Variants in KLHDC7B observed in about 807,000 individuals in gnomAD.
KLHDC7B encodes the protein kelch domain-containing protein 7B.
Under a neutral mutation model 0.6 loss-of-function variants are expected in KLHDC7B, and 1 was observed. The ratio of observed to expected loss-of-function variants is 1.71; its 90% CI spans 0.61 to 8.11. The LOEUF (loss-of-function observed/expected upper bound fraction) is 8.11. Ranked by LOEUF, KLHDC7B falls within the 30% of genes most tolerant of loss-of-function variation. KLHDC7B has a pLI of 0.13. For synonymous variants in KLHDC7B, 462 were observed against 405.2 expected (o/e 1.14, Z -1.68); for missense variants, 993 against 894.9 (o/e 1.11, Z -1.40).
At position 50,548,950 on chromosome 22, in the gene KLHDC7B, C is replaced by T. The variant is rs546175063; in HGVS notation, c.2707C>T (p.Arg903Trp). The T allele has an allele frequency of 3.3e-5, 52 of 1,596,830 alleles. No individual in the cohort carries two copies. Among genetic ancestry groups the T allele is most frequent in the South Asian group, 1.3e-4 (12 of 89,736 alleles). The stretch of plus-strand genomic sequence containing the variant: ...GCTGGGAGACCCGTGCCTCTACCGC[C>T]GGCTGAGCGCGGCCGACCGCGAGCG... ...RVLGDPCLYR[R>W]LSAADRERIL... Residue 903 changes from arginine (R) to tryptophan (W), a missense_variant, in exon 1 of 1, where the codon CGG (arginine) becomes TGG (tryptophan). Coordinates refer to ENST00000648057, the MANE Select transcript of KLHDC7B (RefSeq NM_138433.5). This position sits in a 1 kb window ranked among gnomAD's most constrained non-coding sequence, Gnocchi z 5.3.
rs1043853356 is a variant in KLHDC7B at position 50,546,463 on chromosome 22, C to T, written c.220C>T (p.Leu74=). The T allele has an allele frequency of 1.3e-5, 5 of 399,272 alleles. No homozygotes were observed. Among genetic ancestry groups the T allele is most frequent in the African/African-American group, 8.2e-5 (4 of 48,640 alleles). 24.7% of individuals were successfully genotyped at this position (399,272 alleles called of 1,614,324 possible). Residue 74 remains leucine (L), a synonymous_variant, in exon 1 of 1, where the codon CTG becomes TTG. Coordinates refer to ENST00000648057, the MANE Select transcript of KLHDC7B (RefSeq NM_138433.5). ...ACCTCATCAGGCAGGAGGAGCTGAG[C>T]TGGCCCTGCAACCGAAGTCTAAGGT... ...AQPHQAGGAE[L]ALQPKSKVSD...
At position 50,549,520 on chromosome 22, in the gene KLHDC7B, A is replaced by G; in HGVS notation, c.3277A>G (p.Ile1093Val). 1 of 1,609,406 alleles carries G rather than the reference A, an allele frequency of 6.2e-7. No individual in the cohort carries two copies. Among genetic ancestry groups the G allele is most frequent in the Non-Finnish European group, 8.5e-7 (1 of 1,177,624 alleles). The stretch of plus-strand genomic sequence containing the variant: ...CGAGGCTGTGGCCTGCCGTGGGGAC[A>G]TCTACGTCACCGGGGGTCACCTCTT... ...AHEAVACRGDIYVTGGHLFYR... is the reference protein window; with the variant it reads ...AHEAVACRGDVYVTGGHLFYR... Residue 1093 changes from isoleucine to valine, a missense_variant, in exon 1 of 1, where the codon ATC (isoleucine) becomes GTC (valine). Physicochemically the swap from Ile to Val is conservative, Grantham distance 29. Transcript: ENST00000648057.
At position 50,546,836 on chromosome 22, in the gene KLHDC7B, C is replaced by T. The variant is rs1172338216; in HGVS notation, c.593C>T (p.Ser198Phe). Among the ~76,000 whole-genome samples the T allele has an allele frequency of 6.6e-6, 1 of 152,084 alleles. No individual in the cohort carries two copies. The highest frequency in any genetic ancestry group is 1.5e-5 in the Non-Finnish European group (1 of 67,958). ...AEAETGGVRA[S>F]SRQAAGPAGQ... ...GCGGAGACAGGTGGTGTCAGGGCGT[C>T]CTCTCGCCAGGCCGCAGGCCCCGCG... Residue 198 changes from serine to phenylalanine, a missense_variant, in exon 1 of 1, where the codon TCC becomes TTC. Physicochemically the swap from Ser to Phe is radical, Grantham distance 155 (BLOSUM62 -2). Coordinates refer to ENST00000648057, the MANE Select transcript of KLHDC7B (RefSeq NM_138433.5).
In KLHDC7B at chr22:50,548,700, G is replaced by A. The variant is rs2069763825; in HGVS notation, c.2457G>A (p.Glu819=). 2.0e-6 allele frequency: 3 copies of A among 1,517,536 alleles called. No homozygotes were observed. The South Asian group carries it at 3.8e-5, about 19-fold the overall frequency. The allele number at this position is 1,517,536 out of a possible 1,614,324, so 94.0% of individuals were successfully genotyped here. A position where few individuals can be genotyped will look rare whatever the true frequency, so the allele number is the denominator to read the frequency against. ...GGGCGCTCACGGAAAAGCAGGAGGA[G>A]GCCCGGAAGCTCATGGTGTTTCTGC... ...RSGALTEKQE[E]ARKLMVFLQR... The change falls in exon 1 of 1, where the codon GAG becomes GAA. Residue 819 remains glutamate (E), a synonymous_variant. Transcript: ENST00000648057. This position sits in a 1 kb window ranked among gnomAD's most constrained non-coding sequence, Gnocchi z 5.3.
rs2148694824 is a variant in KLHDC7B at position 50,547,100 on chromosome 22, C to T, written c.857C>T (p.Pro286Leu). The change falls in exon 1 of 1, where the codon CCC becomes CTC. Residue 286 changes from proline (P) to leucine (L), a missense_variant. Coordinates refer to ENST00000648057, the MANE Select transcript of KLHDC7B (RefSeq NM_138433.5). ...ACAGGACCCCCACTCGCCCAGGAGC[C>T]CGCACTCCCGGCGCTGCCCGCTCCC... ...LPTGPPLAQE[P>L]ALPALPAPRA... Among the ~76,000 whole-genome samples, 1 of 151,868 alleles carries T rather than the reference C, an allele frequency of 6.6e-6. No homozygotes were observed. Among genetic ancestry groups the T allele is most frequent in the Non-Finnish European group, 1.5e-5 (1 of 67,860 alleles).
At position 50,547,501 on chromosome 22, in the gene KLHDC7B, G is replaced by A. The variant is rs2069744860; in HGVS notation, c.1258G>A (p.Ala420Thr). ...GAGCCGTGAGCCTCGCCCGCGCTCC[G>A]CCTCCCCGCCCGCAGCTCCCGGCCC... ...SRSREPRPRS[A>T]SPPAAPGPGF... The change falls in exon 1 of 1, where the codon GCC (alanine) becomes ACC (threonine). Residue 420 changes from alanine to threonine, a missense_variant. Coordinates refer to ENST00000648057, the MANE Select transcript of KLHDC7B (RefSeq NM_138433.5). The A allele has an allele frequency of 2.5e-6, 1 of 395,386 alleles. No homozygotes were observed. The highest frequency in any genetic ancestry group is 4.5e-6 in the Non-Finnish European group (1 of 224,074). 24.5% of individuals were successfully genotyped at this position (395,386 alleles called of 1,614,324 possible).
At position 50,548,856 on chromosome 22, in the gene KLHDC7B, C is replaced by G. The variant is rs1017722776; in HGVS notation, c.2613C>G (p.Ala871=). Residue 871 remains alanine, a synonymous_variant, in exon 1 of 1, where the codon GCC becomes GCG. Coordinates refer to ENST00000648057, the MANE Select transcript of KLHDC7B (RefSeq NM_138433.5). This position sits in a 1 kb window ranked among gnomAD's most constrained non-coding sequence, Gnocchi z 5.3. ...GTTGCCTGGACGTGCTGGCCTTTGC[C>G]CAGCAGCACGGAGAGCCCGGCCTGG... ...LGSCLDVLAF[A]QQHGEPGLAQ... 2 of 1,555,946 alleles carry G rather than the reference C, an allele frequency of 1.3e-6. No homozygotes were observed. The highest frequency in any genetic ancestry group is 2.7e-5 in the African/African-American group (2 of 72,800).
rs74525619 is a variant in KLHDC7B, at chr22:50,547,799, C to T, written c.1556C>T (p.Ala519Val). 2.1e-4 allele frequency: 107 copies of T among 502,838 alleles called. No homozygotes were observed. Among genetic ancestry groups the T allele is most frequent in the African/African-American group, 1.8e-3 (93 of 50,552 alleles). 31.1% of individuals were successfully genotyped at this position (502,838 alleles called of 1,614,324 possible). ...APTSAPTSTP[A>V]PAPSPAAAAT... ...ACCTCAGCTCCAACTTCAACCCCAG[C>T]CCCAGCCCCAAGTCCAGCTGCAGCC... Residue 519 changes from alanine (A) to valine (V), a missense_variant, in exon 1 of 1, where the codon GCC becomes GTC. Physicochemically the swap from Ala to Val is moderately conservative, Grantham distance 64. Transcript: ENST00000648057.
rs1395279003 is a variant in KLHDC7B, at chr22:50,550,910, G to C, written c.*959G>C. 7.3e-6 allele frequency: 2 copies of C among 274,370 alleles called. No individual in the cohort carries two copies. The highest frequency in any genetic ancestry group is 2.2e-5 in the African/African-American group (1 of 46,266). 17.0% of individuals were successfully genotyped at this position (274,370 alleles called of 1,614,324 possible). On this transcript the variant is annotated 3_prime_UTR_variant, in exon 1 of 1. Coordinates refer to ENST00000648057, the MANE Select transcript of KLHDC7B (RefSeq NM_138433.5). ...CCATGCTAGAAAAGTGAATACATCTGACTGTGCTCCACTCCAACCTCCAGC... is the reference window on the plus strand; with the variant it reads ...CCATGCTAGAAAAGTGAATACATCTCACTGTGCTCCACTCCAACCTCCAGC...
chr22:50,549,051 C>A lies in KLHDC7B; in HGVS notation c.2808C>A (p.Gly936=). The change falls in exon 1 of 1, where the codon GGC becomes GGA. Residue 936 remains glycine (G), a synonymous_variant. Coordinates refer to ENST00000648057, the MANE Select transcript of KLHDC7B (RefSeq NM_138433.5). ...TACTGCCCAGCCTCTACCAGGGGGGCCGCTCAGGGCTCCCCAGGGGCCCTC... is the reference window on the plus strand; with the variant it reads ...TACTGCCCAGCCTCTACCAGGGGGGACGCTCAGGGCTCCCCAGGGGCCCTC... ...VLVLPSLYQG[G]RSGLPRGPRG... The A allele has an allele frequency of 6.3e-7, 1 of 1,596,644 alleles. No individual in the cohort carries two copies. Among genetic ancestry groups the A allele is most frequent in the Non-Finnish European group, 8.5e-7 (1 of 1,177,618 alleles).
chr22:50,548,281 C>T lies in KLHDC7B; in HGVS notation c.2038C>T (p.His680Tyr), dbSNP rs1390606516. 1.3e-6 allele frequency: 2 copies of T among 1,551,166 alleles called. No homozygotes were observed. The highest frequency in any genetic ancestry group is 2.4e-5 in the East Asian group (1 of 40,890). Residue 680 changes from histidine to tyrosine, a missense_variant, in exon 1 of 1, where the codon CAC becomes TAC. His to Tyr is a moderately conservative substitution (Grantham distance 83). Transcript: ENST00000648057. This position sits in a 1 kb window ranked among gnomAD's most constrained non-coding sequence, Gnocchi z 5.3. ...CACTTCCACACACTCTGAGGACAGACACGGCCCCTCTTCTTCAGTGGGGAC... is the reference window on the plus strand; with the variant it reads ...CACTTCCACACACTCTGAGGACAGATACGGCCCCTCTTCTTCAGTGGGGAC... ...PSTSTHSEDRHGPSSSVGTVI... is the reference protein window; with the variant it reads ...PSTSTHSEDRYGPSSSVGTVI...
Position 50,548,974 on chromosome 22 carries a change from C to T in KLHDC7B, c.2731C>T (p.Arg911Cys), listed in dbSNP as rs61741044. Residue 911 changes from arginine to cysteine, a missense_variant, in exon 1 of 1, where the codon CGC (arginine) becomes TGC (cysteine). By Grantham distance (180) the Arg-to-Cys change is radical. Coordinates refer to ENST00000648057, the MANE Select transcript of KLHDC7B (RefSeq NM_138433.5). The surrounding 1 kb of genome is among the most constrained non-coding windows in gnomAD (Gnocchi z 5.3). ...CCGGCTGAGCGCGGCCGACCGCGAG[C>T]GCATCCTCAGCCTGCGGACCGGCCG... ...YRRLSAADRE[R>C]ILSLRTGRGR... 5 of 1,598,734 alleles carry T rather than the reference C, an allele frequency of 3.1e-6. No individual in the cohort carries two copies. The East Asian group carries it at 1.1e-4, about 36-fold the overall frequency.
chr22:50,549,178 G>A lies in KLHDC7B; in HGVS notation c.2935G>A (p.Val979Met), dbSNP rs769977527. Residue 979 changes from valine to methionine, a missense_variant, in exon 1 of 1, where the codon GTG (valine) becomes ATG (methionine). Transcript: ENST00000648057. Reference sequence around the variant, plus strand: ...GAACACCTGGCGGCCCCTGACCCAGGTGCCCGAGGAGGCCCCGCTTCGGGG... The same window carrying A: ...GAACACCTGGCGGCCCCTGACCCAGATGCCCGAGGAGGCCCCGCTTCGGGG... Reference protein sequence around the residue: ...RENTWRPLTQVPEEAPLRGCG... With the variant: ...RENTWRPLTQMPEEAPLRGCG... 6.2e-7 allele frequency: 1 copy of A among 1,605,544 alleles called. No homozygotes were observed. Among genetic ancestry groups the A allele is most frequent in the South Asian group, 1.1e-5 (1 of 91,068 alleles).
rs1008518245 is a variant in KLHDC7B, at chr22:50,550,312, A to T, written c.*361A>T. The T allele has an allele frequency of 5.7e-5, 15 of 264,254 alleles. No individual in the cohort carries two copies. The highest frequency in any genetic ancestry group is 1.3e-3 in the Middle Eastern group (1 of 800). The allele number at this position is 264,254 out of a possible 1,614,324, so 16.4% of individuals were successfully genotyped here. A position where few individuals can be genotyped will look rare whatever the true frequency, so the allele number is the denominator to read the frequency against. On this transcript the variant is annotated 3_prime_UTR_variant, in exon 1 of 1. Transcript: ENST00000648057. ...CGCTGGAGCTCTGCTGAGCCGAGAG[A>T]GGAGGGGGTAGAAAACATTCACACT...
chr22:50,548,704 C>G lies in KLHDC7B; in HGVS notation c.2461C>G (p.Arg821Gly). The stretch of plus-strand genomic sequence containing the variant: ...GCTCACGGAAAAGCAGGAGGAGGCC[C>G]GGAAGCTCATGGTGTTTCTGCAGAG... ...GALTEKQEEARKLMVFLQRPG... is the reference protein window; with the variant it reads ...GALTEKQEEAGKLMVFLQRPG... Residue 821 changes from arginine to glycine, a missense_variant, in exon 1 of 1, where the codon CGG (arginine) becomes GGG (glycine). Coordinates refer to ENST00000648057, the MANE Select transcript of KLHDC7B (RefSeq NM_138433.5). The surrounding 1 kb of genome is among the most constrained non-coding windows in gnomAD (Gnocchi z 5.3). 1.3e-6 allele frequency: 2 copies of G among 1,513,694 alleles called. No homozygotes were observed. The highest frequency in any genetic ancestry group is 1.8e-6 in the Non-Finnish European group (2 of 1,131,534). The allele number at this position is 1,513,694 out of a possible 1,614,324, so 93.8% of individuals were successfully genotyped here. A position where few individuals can be genotyped will look rare whatever the true frequency, so the allele number is the denominator to read the frequency against.
At position 50,549,067 on chromosome 22, in the gene KLHDC7B, A is replaced by G; in HGVS notation, c.2824A>G (p.Arg942Gly). 6.3e-7 allele frequency: 1 copy of G among 1,599,402 alleles called. No homozygotes were observed. The highest frequency in any genetic ancestry group is 8.5e-7 in the Non-Finnish European group (1 of 1,179,002). The change falls in exon 1 of 1, where the codon AGG (arginine) becomes GGG (glycine). Residue 942 changes from arginine (R) to glycine (G), a missense_variant. Arg to Gly is a moderately radical substitution (Grantham distance 125). Transcript: ENST00000648057. Reference protein sequence around the residue: ...LYQGGRSGLPRGPRGEEPPAA... With the variant: ...LYQGGRSGLPGGPRGEEPPAA... ...CCAGGGGGGCCGCTCAGGGCTCCCCAGGGGCCCTCGTGGCGAGGAGCCTCC... is the reference window on the plus strand; with the variant it reads ...CCAGGGGGGCCGCTCAGGGCTCCCCGGGGGCCCTCGTGGCGAGGAGCCTCC...
Position 50,549,680 on chromosome 22 carries a change from G to GCGCCGC in KLHDC7B, c.3440_3445dup (p.Ala1147_Ala1148dup). 1 of 1,555,240 alleles carries GCGCCGC rather than the reference G, an allele frequency of 6.4e-7. No homozygotes were observed. The highest frequency in any genetic ancestry group is 8.7e-7 in the Non-Finnish European group (1 of 1,150,450). On this transcript the variant is annotated inframe_insertion, in exon 1 of 1. Coordinates refer to ENST00000648057, the MANE Select transcript of KLHDC7B (RefSeq NM_138433.5). The stretch of plus-strand genomic sequence containing the variant: ...CGCTTCGACCTGCTGCGGGGCGTGG[G>GCGCCGC]CGCCGCCGTGATGCGCTACAACACA...
In KLHDC7B at chr22:50,547,372, G is replaced by A. The variant is rs1249094128; in HGVS notation, c.1129G>A (p.Ala377Thr). 6.6e-6 allele frequency among the ~76,000 whole-genome samples: 1 copy of A among 151,970 alleles called. No homozygotes were observed. The highest frequency in any genetic ancestry group is 2.4e-5 in the African/African-American group (1 of 41,382). ...TGAYDAGEAG[A>T]DSSRDNSPAA... is the part of the protein sequence containing the mutation. ...GGCCTACGATGCCGGCGAGGCCGGG[G>A]CTGACAGCTCCCGAGATAACAGTCC... is the stretch of plus-strand genomic sequence containing the variant. The change falls in exon 1 of 1, where the codon GCT becomes ACT. Residue 377 changes from alanine to threonine, a missense_variant. By Grantham distance (58) the Ala-to-Thr change is moderately conservative. Coordinates refer to ENST00000648057, the MANE Select transcript of KLHDC7B (RefSeq NM_138433.5).
In KLHDC7B at chr22:50,546,547, G is replaced by C. The variant is rs558831794; in HGVS notation, c.304G>C (p.Gly102Arg). 5.0e-6 allele frequency: 2 copies of C among 398,622 alleles called. No homozygotes were observed. Among genetic ancestry groups the C allele is most frequent in the East Asian group, 3.6e-5 (1 of 28,070 alleles). The allele number at this position is 398,622 out of a possible 1,614,324, so 24.7% of individuals were successfully genotyped here. The change falls in exon 1 of 1, where the codon GGC (glycine) becomes CGC (arginine). Residue 102 changes from glycine to arginine, a missense_variant. Gly to Arg is a moderately radical substitution (Grantham distance 125). Coordinates refer to ENST00000648057, the MANE Select transcript of KLHDC7B (RefSeq NM_138433.5). ...GQGKPEPPGR[G>R]QQSPVPAAAP... Reference sequence around the variant, plus strand: ...GGGGAAACCAGAGCCCCCAGGACGCGGCCAGCAGAGCCCTGTCCCTGCTGC... The same window carrying C: ...GGGGAAACCAGAGCCCCCAGGACGCCGCCAGCAGAGCCCTGTCCCTGCTGC...
Sources: allele counts gnomAD v4.1 joint callset (sites outside exome capture counted in the v4.1 genomes callset), GRCh38; gene constraint gnomAD v4.1.1; non-coding constraint Gnocchi (gnomAD v3.1); transcripts MANE v1.5; gene names NCBI Gene and HGNC (gene_info 2026-07-23, HGNC 2026-07-21).